Variants in SCN1A observed in about 807,000 individuals in gnomAD.
SCN1A encodes the protein sodium voltage-gated channel alpha subunit 1, also known as sodium channel protein type 1 subunit alpha.
SCN1A carries 13 observed loss-of-function variants against 193.7 expected under a neutral mutation model. The ratio of observed to expected loss-of-function variants is 0.07; its 90% confidence interval spans 0.04 to 0.11. SCN1A has a LOEUF of 0.11. Among genes scored for constraint, SCN1A ranks in the 10% least tolerant of loss-of-function variants. The pLI is 1.00. For synonymous variants in SCN1A, 781 were observed against 843.6 expected (o/e 0.93, Z 1.29); for missense variants, 1,432 against 2,451.1 (o/e 0.58, Z 8.78).
intron 2 of SCN1A, among the ~76,000 whole-genome samples, chr2:166,099,234 C>A (rs886843019): frequency 1.3e-5 from 2 of 151,612 alleles, no homozygotes; most frequent in Non-Finnish European, 2.9e-5. Context: ...TGTAATCCAG[C>A]ATATAAACAG....
intron 2 of SCN1A, among the ~76,000 whole-genome samples, chr2:166,098,545 C>T (rs185096772): frequency 1.4e-4 from 22 of 152,126 alleles, no homozygotes; most frequent in Admixed American, 7.9e-4. Context: ...CATCCAAATA[C>T]GAAGAGAGGA....
rs1044871344 is a variant in SCN1A at position 165,991,998 on chromosome 2, T to G, written c.5277A>C (p.Pro1759=). The change falls in exon 29 of 29, where the codon CCA becomes CCC. Residue 1759 remains proline (P), a synonymous_variant. Transcript: ENST00000674923. ...GSSVKGDCGN[P]SVGIFFFVSY... The stretch of plus-strand genomic sequence containing the variant: ...TGACAAAAAAGAAAATTCCAACAGA[T>G]GGGTTCCCACAGTCTCCCTTAACTG... 4.3e-6 allele frequency: 7 copies of G among 1,613,826 alleles called. No homozygotes were observed. In the Admixed American group the frequency reaches 8.3e-5, roughly 19 times the overall value.
At chr2:166,146,185 A>G (rs1351390733) in intron 1 of SCN1A, among the ~76,000 whole-genome samples, 1 of 152,170 alleles carries the variant, frequency 6.6e-6, no homozygotes, top group Non-Finnish European at 1.5e-5. Flanking sequence ...GATAAGTTGC[A>G]GAAGGTTTTG....
At chr2:166,070,533 A>G (rs545739869) in intron 4 of SCN1A, among the ~76,000 whole-genome samples, 13 of 152,234 alleles carry the variant, frequency 8.5e-5, no homozygotes, top group South Asian at 8.3e-4. Context: ...AACAAAGTTT[A>G]TAAGGGTTTC....
chr2:166,023,086 T>A (rs1201889613), intron 19 of SCN1A, among the ~76,000 whole-genome samples: 3 of 152,234 alleles, frequency 2.0e-5, no homozygotes, highest in Admixed American at 6.5e-5. Flanking sequence ...CCTCTATGAA[T>A]ATTTTATAGC....
intron 19 of SCN1A, 96 bp from the exon 20 acceptor site, chr2:166,015,823 C>T (rs1443345295): frequency 7.4e-7 from 1 of 1,351,958 alleles, no homozygotes; most frequent in Admixed American, 1.7e-5. Context: ...GTTTTTTATT[C>T]TTCTTGAGGT....
intron 4 of SCN1A, among the ~76,000 whole-genome samples, chr2:166,070,498 T>C (rs1480418015): frequency 6.6e-6 from 1 of 152,200 alleles, no homozygotes; most frequent in East Asian, 1.9e-4. Context: ...CAGAAGATGT[T>C]AAGAGCAAGT....
chr2:166,036,222 A>G lies in SCN1A; in HGVS notation c.3255T>C (p.Gly1085=). The change falls in exon 19 of 29, where the codon GGT becomes GGC. Residue 1085 remains glycine (G), a synonymous_variant. Transcript: ENST00000674923. ...YLKDVNGTTS[G]IGTGSSVEKY... ...TTTCAACACTGCTGCCAGTTCCTATACCACTTGTAGTTCCATTTACATCTT... is the reference window on the plus strand; with the variant it reads ...TTTCAACACTGCTGCCAGTTCCTATGCCACTTGTAGTTCCATTTACATCTT... The G allele has an allele frequency of 6.2e-7, 1 of 1,613,966 alleles. No homozygotes were observed. The highest frequency in any genetic ancestry group is 8.5e-7 in the Non-Finnish European group (1 of 1,179,914).
chr2:166,025,261 T>C (rs993585091), intron 19 of SCN1A, among the ~76,000 whole-genome samples: 3 of 152,180 alleles, frequency 2.0e-5, no homozygotes, highest in African/African-American at 7.2e-5. Flanking sequence ...CCAAGTTTAC[T>C]GTCGTTGGCA....
chr2:166,113,800 G>A (rs932677126), intron 2 of SCN1A, among the ~76,000 whole-genome samples: 2 of 152,126 alleles, frequency 1.3e-5, no homozygotes, highest in Non-Finnish European at 2.9e-5. Context: ...TGGATGCACT[G>A]AAGGCCGTAA....
At chr2:166,035,279 G>A (rs1360073814) in intron 19 of SCN1A, among the ~76,000 whole-genome samples, 1 of 152,072 alleles carries the variant, frequency 6.6e-6, no homozygotes, top group Admixed American at 6.6e-5. Context: ...GTTATTGTAA[G>A]GATTAAATCT....
intron 28 of SCN1A, chr2:165,993,399 G>A (rs1244773622): frequency 6.6e-6 from 1 of 152,068 alleles, no homozygotes; most frequent in East Asian, 1.9e-4. Context: ...GTTTTGGATA[G>A]TAAAATATTG....
chr2:165,998,288 T>A, intron 25 of SCN1A, 113 bp from the exon 26 acceptor site: 2 of 884,258 alleles, frequency 2.3e-6, no homozygotes, highest in Non-Finnish European at 3.4e-6. Context: ...TGTCAGCATT[T>A]TTTTTTTTTC....
chr2:166,117,402 G>C lies in SCN1A; in HGVS notation c.-142+9522C>G, dbSNP rs547425372. Among the ~76,000 whole-genome samples, 7 of 152,090 alleles carry C rather than the reference G, an allele frequency of 4.6e-5. No individual in the cohort carries two copies. The East Asian group carries it at 1.4e-3, about 29-fold the overall frequency. On this transcript the variant is annotated intron_variant, in intron 2 of 28. Transcript: ENST00000674923. ...AAATAAAATTAATTTCTAGTGTTTC[G>C]TCAAAGACATTCTTTTAGTGCAACT...
intron 5 of SCN1A, 24 bp from the exon 6 acceptor site, chr2:166,056,524 C>T (rs771435696): frequency 6.7e-7 from 1 of 1,495,210 alleles, no homozygotes; most frequent in East Asian, 2.3e-5. Flanking sequence ...AAGGAACACA[C>T]AAAAGAAAAT....
chr2:166,086,162 T>C (rs1686088705), intron 2 of SCN1A, among the ~76,000 whole-genome samples: 1 of 152,084 alleles, frequency 6.6e-6, no homozygotes, highest in Non-Finnish European at 1.5e-5. Context: ...ACATACCTCC[T>C]TATAACCCCT....
At chr2:166,045,874 G>A (rs903945764) in intron 12 of SCN1A, among the ~76,000 whole-genome samples, 2 of 152,086 alleles carry the variant, frequency 1.3e-5, no homozygotes, top group Admixed American at 6.6e-5. Flanking sequence ...AATGGGGAAG[G>A]GAGAATCAAT....
chr2:166,031,696 G>A (rs1358455903), intron 19 of SCN1A, among the ~76,000 whole-genome samples: 1 of 152,056 alleles, frequency 6.6e-6, no homozygotes, highest in African/African-American at 2.4e-5. Context: ...AGTGTGGAAT[G>A]CAACTGGTAA....
intron 1 of SCN1A, among the ~76,000 whole-genome samples, chr2:166,135,110 C>A (rs575804908): frequency 3.3e-5 from 5 of 152,030 alleles, no homozygotes; most frequent in Admixed American, 1.3e-4. Context: ...CCCCCTACCC[C>A]CCGACATCCC....
Sources: allele counts gnomAD v4.1 joint callset (sites outside exome capture counted in the v4.1 genomes callset), GRCh38; gene constraint gnomAD v4.1.1; transcripts MANE v1.5; gene names NCBI Gene and HGNC (gene_info 2026-07-23, HGNC 2026-07-21).